The following BTBD9 variants were observed in gnomAD, a reference collection of about 807,000 sequenced individuals.
BTBD9 encodes BTB/POZ domain-containing protein 9.
A neutral mutation model predicts 64.3 loss-of-function variants in BTBD9; 49 were observed. The ratio of observed to expected loss-of-function variants is 0.76; its 90% CI spans 0.61 to 0.97. BTBD9 has a LOEUF of 0.97. Among genes scored for constraint, BTBD9 ranks in the 50% least tolerant of loss-of-function variants. BTBD9 has a pLI of 0.00. For missense variants in BTBD9, 598 were observed against 762.1 expected, an observed-to-expected ratio of 0.78 and a Z score of 2.53; for synonymous variants, 260 against 274.7, an observed-to-expected ratio of 0.95 and a Z score of 0.53.
intron 7 of BTBD9, among the ~76,000 whole-genome samples, chr6:38,331,916 T>C (rs1479792687): frequency 2.6e-5 from 4 of 152,242 alleles, no homozygotes; most frequent in Non-Finnish European, 4.4e-5. Flanking sequence ...TGATTTTTGA[T>C]GAGACATGAC....
chr6:38,292,131 T>C (rs1254425402), intron 7 of BTBD9, among the ~76,000 whole-genome samples: 1 of 152,036 alleles, frequency 6.6e-6, no homozygotes, highest in Admixed American at 6.6e-5. Context: ...CTGGCTAATT[T>C]TTTTGTATTT....
At chr6:38,302,966 C>A (rs768141202) in intron 7 of BTBD9, among the ~76,000 whole-genome samples, 16 of 152,076 alleles carry the variant, frequency 1.1e-4, no homozygotes, top group Admixed American at 9.2e-4. Flanking sequence ...CTATTCAGAT[C>A]TTTTGCCCAT....
intron 10 of BTBD9, among the ~76,000 whole-genome samples, chr6:38,180,820 T>G (rs1561839100): frequency 6.6e-6 from 1 of 152,222 alleles, no homozygotes; most frequent in Non-Finnish European, 1.5e-5. Flanking sequence ...GGCCTCTGGA[T>G]CTCTCCCCTG....
intron 6 of BTBD9, among the ~76,000 whole-genome samples, chr6:38,386,878 A>G (rs772267198): frequency 2.0e-5 from 3 of 152,082 alleles, no homozygotes; most frequent in Non-Finnish European, 2.9e-5. Context: ...CCTGAGTTCA[A>G]TCCATCTGCC....
At chr6:38,282,138 C>T (rs1056416861) in intron 8 of BTBD9, among the ~76,000 whole-genome samples, 4 of 152,190 alleles carry the variant, frequency 2.6e-5, no homozygotes, top group African/African-American at 9.7e-5. Flanking sequence ...GTTATTATGA[C>T]TCTACTCTGG....
chr6:38,183,560 T>A (rs182242498), intron 10 of BTBD9, among the ~76,000 whole-genome samples: 1 of 152,224 alleles, frequency 6.6e-6, no homozygotes, highest in Admixed American at 6.5e-5. Flanking sequence ...AACCAGCTTC[T>A]AGAGCCTCCA....
chr6:38,190,239 G>A (rs906162312), intron 10 of BTBD9, among the ~76,000 whole-genome samples: 1 of 151,892 alleles, frequency 6.6e-6, no homozygotes, highest in Non-Finnish European at 1.5e-5. Context: ...GCTGAGGCAG[G>A]TGGATCACCT....
At chr6:38,573,711 C>A (rs1263941254) in intron 6 of BTBD9, among the ~76,000 whole-genome samples, 1 of 152,166 alleles carries the variant, frequency 6.6e-6, no homozygotes, top group African/African-American at 2.4e-5. Flanking sequence ...TCCATTTTCG[C>A]TCATGTTCTA....
intron 7 of BTBD9, among the ~76,000 whole-genome samples, chr6:38,300,202 G>A (rs140460632): frequency 0.068 from 10,394 of 152,070 alleles, 925 homozygotes; most frequent in East Asian, 0.4. Flanking sequence ...GCTCTGTTCT[G>A]TTCCATTGGT....
chr6:38,505,013 T>C (rs1227496534), intron 6 of BTBD9, among the ~76,000 whole-genome samples: 2 of 152,218 alleles, frequency 1.3e-5, no homozygotes, highest in East Asian at 3.9e-4. Context: ...TTAGAACCAT[T>C]TAACAAAGTT....
At chr6:38,226,302 G>C (rs1156499367) in intron 9 of BTBD9, among the ~76,000 whole-genome samples, 1 of 152,178 alleles carries the variant, frequency 6.6e-6, no homozygotes, top group South Asian at 2.1e-4. Context: ...ATAAGCAACT[G>C]TCTGTGGCCA....
At chr6:38,485,720 C>T (rs764419414) in intron 6 of BTBD9, among the ~76,000 whole-genome samples, 4 of 152,182 alleles carry the variant, frequency 2.6e-5, no homozygotes, top group Non-Finnish European at 5.9e-5. Context: ...GTAGATTTAG[C>T]ATAACTCTTA....
intron 9 of BTBD9, among the ~76,000 whole-genome samples, chr6:38,241,808 G>C (rs1338414501): frequency 6.6e-6 from 1 of 152,124 alleles, no homozygotes; most frequent in Non-Finnish European, 1.5e-5. Context: ...AACCACACAT[G>C]CAAGTCTCTT....
intron 1 of BTBD9, among the ~76,000 whole-genome samples, chr6:38,618,932 C>T (rs1777890715): frequency 6.6e-6 from 1 of 152,160 alleles, no homozygotes; most frequent in African/African-American, 2.4e-5. Flanking sequence ...CAAGCCGTCC[C>T]CAGTATGGAT....
intron 1 of BTBD9, among the ~76,000 whole-genome samples, chr6:38,629,602 T>C (rs1299043435): frequency 6.6e-6 from 1 of 152,026 alleles, no homozygotes; most frequent in Non-Finnish European, 1.5e-5. Flanking sequence ...GGCAGGAGGA[T>C]CACGAGGTCA....
chr6:38,577,710 T>A lies in BTBD9; in HGVS notation c.1044A>T (p.Ser348=). The change falls in exon 6 of 11, where the codon TCA becomes TCT. Residue 348 remains serine (S), a synonymous_variant. Coordinates refer to ENST00000481247, the MANE Select transcript of BTBD9 (RefSeq NM_001099272.2). The part of the protein sequence containing the change: ...LLWDRDSRSY[S]YFIEVSMDEL... ...CATCCATTGACACTTCAATGAAGTA[T>A]GAGTAAGACCTGTGAATCAAAAGGA... The A allele has an allele frequency of 6.2e-7, 1 of 1,607,364 alleles. No homozygotes were observed. The highest frequency in any genetic ancestry group is 8.5e-7 in the Non-Finnish European group (1 of 1,179,082).
intron 1 of BTBD9, among the ~76,000 whole-genome samples, chr6:38,603,767 A>C (rs1777336069): frequency 6.6e-6 from 1 of 152,202 alleles, no homozygotes; most frequent in African/African-American, 2.4e-5. Flanking sequence ...TTACGGGAAA[A>C]AAGACCTTCT....
intron 8 of BTBD9, among the ~76,000 whole-genome samples, chr6:38,263,814 G>A (rs1472330640): frequency 6.6e-6 from 1 of 152,274 alleles, no homozygotes; most frequent in Middle Eastern, 3.4e-3. Context: ...CTTAAATAAA[G>A]TTACCATTTG....
intron 9 of BTBD9, among the ~76,000 whole-genome samples, chr6:38,197,280 A>G (rs1369708712): frequency 6.6e-6 from 1 of 152,204 alleles, no homozygotes; most frequent in Non-Finnish European, 1.5e-5. Flanking sequence ...AAGAGAAGTA[A>G]TCTGTGCGAC....
Sources: allele counts gnomAD v4.1 joint callset (sites outside exome capture counted in the v4.1 genomes callset), GRCh38; gene constraint gnomAD v4.1.1; transcripts MANE v1.5; gene names NCBI Gene and HGNC (gene_info 2026-07-23, HGNC 2026-07-21).